PDE4D: variants seen among roughly 807,000 people sequenced by gnomAD.
PDE4D encodes 3',5'-cyclic-AMP phosphodiesterase 4D.
In PDE4D, 24 loss-of-function variants were observed where a neutral mutation model predicts 87.4. The ratio of observed to expected loss-of-function variants is 0.27; its 90% CI spans 0.20 to 0.39. The LOEUF (loss-of-function observed/expected upper bound fraction) is 0.39. Ranked by LOEUF, PDE4D falls within the 10% of genes least tolerant of loss-of-function variation. PDE4D has a pLI of 1.00. For missense variants in PDE4D, 714 were observed against 1,041.0 expected (o/e 0.69, Z 4.32); for synonymous variants, 384 against 383.2 (o/e 1.00, Z -0.02).
chr5:60,049,018 T>C (rs571076994), intron 2 of PDE4D, among the ~76,000 whole-genome samples: 1 of 152,354 alleles, frequency 6.6e-6, no homozygotes, highest in African/African-American at 2.4e-5. Flanking sequence ...AGACATAGAT[T>C]TGGTCTTTTC....
chr5:60,465,127 A>T (rs1009722596), intron 1 of PDE4D, among the ~76,000 whole-genome samples: 7 of 151,844 alleles, frequency 4.6e-5, no homozygotes, highest in Admixed American at 3.9e-4. Flanking sequence ...AATAAATAAA[A>T]ATAAATAATT....
intron 2 of PDE4D, chr5:60,147,935 T>A: frequency 5.9e-6 from 2 of 339,420 alleles, no homozygotes; most frequent in East Asian, 1.8e-4. Flanking sequence ...TAACCTAACC[T>A]CCAAAGTGGC....
intron 3 of PDE4D, among the ~76,000 whole-genome samples, chr5:59,954,616 T>C (rs1454416261): frequency 6.6e-6 from 1 of 152,166 alleles, no homozygotes; most frequent in Admixed American, 6.5e-5. Context: ...AAGAATTCAT[T>C]CTTATTCTCA....
chr5:59,980,905 C>T (rs1761856333), intron 3 of PDE4D, among the ~76,000 whole-genome samples: 1 of 152,050 alleles, frequency 6.6e-6, no homozygotes. Flanking sequence ...GATTTTTATC[C>T]AGATATTTTA....
At chr5:59,037,556 C>G (rs1366465891) in intron 6 of PDE4D, among the ~76,000 whole-genome samples, 1 of 152,132 alleles carries the variant, frequency 6.6e-6, no homozygotes, top group Non-Finnish European at 1.5e-5. Context: ...AATAATTGGT[C>G]ATTCTGATGA....
rs569227762 is a variant in PDE4D at position 59,048,309 on chromosome 5, G to T, written c.809-9338C>A. On this transcript the variant is annotated intron_variant, in intron 5 of 14. Transcript: ENST00000340635. The stretch of plus-strand genomic sequence containing the variant: ...GGAATCAATTTTATTTCCCTGGGGG[G>T]ACTGTAGGAGAGCATCTGTGTTTCC... Among the ~76,000 whole-genome samples, 3 of 152,184 alleles carry T rather than the reference G, an allele frequency of 2.0e-5. No homozygotes were observed. The South Asian group carries it at 6.2e-4, about 32-fold the overall frequency.
chr5:60,509,160 C>A (rs1750458782), intron 1 of PDE4D, among the ~76,000 whole-genome samples: 1 of 152,202 alleles, frequency 6.6e-6, no homozygotes, highest in African/African-American at 2.4e-5. Flanking sequence ...TTATTACAGC[C>A]TTCTTGTGCT....
intron 1 of PDE4D, among the ~76,000 whole-genome samples, chr5:59,518,692 C>T (rs6896121): frequency 0.096 from 14,535 of 152,086 alleles, 835 homozygotes; most frequent in African/African-American, 0.16. Flanking sequence ...TTCAGGCATT[C>T]GACTACCAGC....
intron 1 of PDE4D, among the ~76,000 whole-genome samples, chr5:59,515,828 A>T (rs960745889): frequency 9.2e-5 from 14 of 152,180 alleles, no homozygotes; most frequent in African/African-American, 3.4e-4. Context: ...AGAAAGGTAA[A>T]GCAGACCAAC....
chr5:59,490,326 G>A (rs1455362559), intron 1 of PDE4D, among the ~76,000 whole-genome samples: 3 of 152,048 alleles, frequency 2.0e-5, no homozygotes, highest in African/African-American at 7.2e-5. Flanking sequence ...TTTCTTTTCA[G>A]GTGACCATAG....
chr5:60,433,784 G>A lies in PDE4D; in HGVS notation c.-90+54158C>T, dbSNP rs569701413. Among the ~76,000 whole-genome samples, 9 of 152,272 alleles carry A rather than the reference G, an allele frequency of 5.9e-5. 1 individual carries two copies. The South Asian group carries it at 8.3e-4, about 14-fold the overall frequency. On this transcript the variant is annotated intron_variant, in intron 1 of 16. Coordinates refer to the PDE4D transcript ENST00000502484. ...ATGTCCTTTGCAGCAACATGTATGC[G>A]GCTGGAGGCCATTATCCTAAGAGAA...
At chr5:59,297,856 G>A (rs1207282309) in intron 1 of PDE4D, among the ~76,000 whole-genome samples, 1 of 152,146 alleles carries the variant, frequency 6.6e-6, no homozygotes, top group Admixed American at 6.5e-5. Context: ...ATTTCCTTGA[G>A]AAGAATGGCA....
intron 1 of PDE4D, among the ~76,000 whole-genome samples, chr5:60,338,346 C>A (rs1007433395): frequency 1.3e-5 from 2 of 152,210 alleles, no homozygotes; most frequent in Admixed American, 6.5e-5. Flanking sequence ...GAGCAAGAAT[C>A]ACGACCACTA....
At chr5:60,369,792 C>T (rs1760862513) in intron 1 of PDE4D, among the ~76,000 whole-genome samples, 1 of 152,018 alleles carries the variant, frequency 6.6e-6, no homozygotes. Context: ...GTGGGGTCTG[C>T]AGGAACAAAG....
At chr5:59,819,989 T>G (rs1769445684) in intron 1 of PDE4D, among the ~76,000 whole-genome samples, 1 of 152,220 alleles carries the variant, frequency 6.6e-6, no homozygotes, top group Admixed American at 6.5e-5. Flanking sequence ...TGGTTTTGCC[T>G]TCAACAGTCA....
At chr5:59,617,156 C>T (rs903536491) in intron 1 of PDE4D, among the ~76,000 whole-genome samples, 3 of 151,670 alleles carry the variant, frequency 2.0e-5, no homozygotes, top group Non-Finnish European at 4.4e-5. Context: ...TCAAACCTTG[C>T]TTTGCTTATG....
intron 1 of PDE4D, among the ~76,000 whole-genome samples, chr5:60,283,220 G>A (rs758426228): frequency 7.9e-5 from 12 of 152,052 alleles, no homozygotes; most frequent in Admixed American, 2.0e-4. Context: ...GCTTCCTAAT[G>A]CATTATCTCC....
At chr5:59,109,270 A>T (rs2153437626) in intron 5 of PDE4D, among the ~76,000 whole-genome samples, 1 of 152,364 alleles carries the variant, frequency 6.6e-6, no homozygotes, top group African/African-American at 2.4e-5. Flanking sequence ...GTGATAAAAC[A>T]AACACAGTTC....
chr5:59,620,364 T>A (rs975229391), intron 1 of PDE4D, among the ~76,000 whole-genome samples: 4 of 152,104 alleles, frequency 2.6e-5, no homozygotes, highest in Non-Finnish European at 5.9e-5. Context: ...AGGAGAACAA[T>A]GAAGGGTTAG....
Sources: gnomAD v4.1 joint callset for allele counts (sites outside exome capture counted in the v4.1 genomes callset) on GRCh38, gnomAD v4.1.1 for gene constraint, MANE v1.5 for transcripts, NCBI Gene and HGNC (gene_info 2026-07-23, HGNC 2026-07-21) for gene names.